The following LSAMP variants were observed in gnomAD, a reference collection of about 807,000 sequenced individuals.
LSAMP encodes the protein limbic system-associated membrane protein.
A neutral mutation model predicts 38.6 loss-of-function variants in LSAMP; 7 were observed. The ratio of observed to expected loss-of-function variants is 0.18; its 90% CI spans 0.10 to 0.34. The LOEUF (loss-of-function observed/expected upper bound fraction) is 0.34. Ranked by LOEUF, LSAMP falls within the 10% of genes least tolerant of loss-of-function variation. The pLI is 1.00. For synonymous variants in LSAMP, 154 were observed against 166.8 expected (o/e 0.92, Z 0.59); for missense variants, 313 against 420.0 (o/e 0.75, Z 2.23).
chr3:116,338,090 GTT>G (rs1404731579), intron 1 of LSAMP, among the ~76,000 whole-genome samples: 2 of 151,938 alleles, frequency 1.3e-5, no homozygotes, highest in Admixed American at 6.6e-5. Flanking sequence ...ATTTTTGCTT[GTT>G]TTACCTACCT....
intron 1 of LSAMP, among the ~76,000 whole-genome samples, chr3:116,090,727 G>A (rs1451761643): frequency 1.1e-4 from 17 of 152,124 alleles, no homozygotes; most frequent in Admixed American, 2.6e-4. Context: ...GGTAGGATCC[G>A]TGATGCCCCA....
chr3:116,108,901 CT>C (rs564946554), intron 1 of LSAMP, among the ~76,000 whole-genome samples: 1 of 152,082 alleles, frequency 6.6e-6, no homozygotes, highest in African/African-American at 2.4e-5. Flanking sequence ...GGAATTGCAA[CT>C]TTTTTCTGTT....
chr3:116,317,864 G>A lies in LSAMP; in HGVS notation c.155+127013C>T, dbSNP rs149898383. ...TAAAATCAGTAATAAGGCCGGGCGC[G>A]GTGGCTCACGGCTGTAATCCCAACA... On this transcript the variant is annotated intron_variant, in intron 1 of 6. Coordinates refer to ENST00000490035, the MANE Select transcript of LSAMP (RefSeq NM_002338.5). Among the ~76,000 whole-genome samples the A allele has an allele frequency of 4.8e-3, 724 of 151,608 alleles. 4 individuals carry two copies. The highest frequency in any genetic ancestry group is 0.017 in the African/African-American group (683 of 41,352).
At chr3:115,838,616 G>A (rs1934875351) in intron 6 of LSAMP, among the ~76,000 whole-genome samples, 1 of 152,204 alleles carries the variant, frequency 6.6e-6, no homozygotes, top group East Asian at 1.9e-4. Flanking sequence ...TGGTTATACC[G>A]ACTGAGGTAG....
In LSAMP at chr3:116,369,088, T is replaced by C. The variant is rs528514117; in HGVS notation, c.155+75789A>G. ...AATTATAGAAGAAATAATTGTATTA[T>C]GTTTATTGAAGGAAATTCACAGCTT... On this transcript the variant is annotated intron_variant, in intron 1 of 6. Coordinates refer to ENST00000490035, the MANE Select transcript of LSAMP (RefSeq NM_002338.5). Among the ~76,000 whole-genome samples, 17 of 152,142 alleles carry C rather than the reference T, an allele frequency of 1.1e-4. No homozygotes were observed. In the South Asian group the frequency reaches 3.5e-3, roughly 32 times the overall value.
rs1449960386 is a variant in LSAMP at position 116,258,549 on chromosome 3, A to G, written c.156-171993T>C. 2.6e-5 allele frequency among the ~76,000 whole-genome samples: 4 copies of G among 152,110 alleles called. No individual in the cohort carries two copies. The South Asian group carries it at 8.3e-4, about 31-fold the overall frequency. Reference sequence around the variant, plus strand: ...TAACAGAATTCTAAAAGAAAATAATATTTTAAAAAGATGATCCTTTATAAT... The same window carrying G: ...TAACAGAATTCTAAAAGAAAATAATGTTTTAAAAAGATGATCCTTTATAAT... On this transcript the variant is annotated intron_variant, in intron 1 of 6. Transcript: ENST00000490035.
chr3:115,948,686 CACAA>C (rs1303227368), intron 3 of LSAMP, among the ~76,000 whole-genome samples: 17 of 152,164 alleles, frequency 1.1e-4, no homozygotes, highest in African/African-American at 1.9e-4. Context: ...GTCTGAAAAA[CACAA>C]ACAGACAATG....
chr3:115,990,227 C>T (rs994805266), intron 3 of LSAMP, among the ~76,000 whole-genome samples: 2 of 151,952 alleles, frequency 1.3e-5, no homozygotes, highest in African/African-American at 2.4e-5. Context: ...GTCATAATTA[C>T]GCATCTTTAG....
At chr3:116,263,045 T>C (rs1440612335) in intron 1 of LSAMP, among the ~76,000 whole-genome samples, 1 of 152,194 alleles carries the variant, frequency 6.6e-6, no homozygotes, top group East Asian at 1.9e-4. Context: ...CTACTTTCCC[T>C]GGGGAAGCCT....
chr3:115,936,068 C>T (rs776185078), intron 3 of LSAMP, among the ~76,000 whole-genome samples: 1 of 152,214 alleles, frequency 6.6e-6, no homozygotes, highest in Non-Finnish European at 1.5e-5. Context: ...TCATTAACCT[C>T]TATAAGTGAC....
At chr3:116,289,490 G>A (rs1301351188) in intron 1 of LSAMP, among the ~76,000 whole-genome samples, 1 of 151,992 alleles carries the variant, frequency 6.6e-6, no homozygotes, top group Non-Finnish European at 1.5e-5. Context: ...CTTAGAAAAT[G>A]TTTGATTAGG....
chr3:115,862,017 G>C (rs779305705), intron 3 of LSAMP, among the ~76,000 whole-genome samples: 3 of 152,160 alleles, frequency 2.0e-5, no homozygotes, highest in Non-Finnish European at 4.4e-5. Flanking sequence ...ACTTAAAAGA[G>C]TCCTTTGGGA....
intron 1 of LSAMP, among the ~76,000 whole-genome samples, chr3:116,157,071 T>A (rs115347297): frequency 0.012 from 1,799 of 152,194 alleles, 32 homozygotes; most frequent in African/African-American, 0.041. Flanking sequence ...GGTTTTCAAA[T>A]ACTTTGGATT....
At chr3:116,370,086 C>A (rs367869490) in intron 1 of LSAMP, 1 of 152,360 alleles carries the variant, frequency 6.6e-6, no homozygotes, top group South Asian at 2.1e-4. Context: ...TTAAAACGAA[C>A]AAAACATACT....
chr3:115,900,965 C>T lies in LSAMP; in HGVS notation c.515-48348G>A, dbSNP rs1936858534. 2.0e-5 allele frequency among the ~76,000 whole-genome samples: 3 copies of T among 152,112 alleles called. No homozygotes were observed. The South Asian group carries it at 6.2e-4, about 32-fold the overall frequency. On this transcript the variant is annotated intron_variant, in intron 3 of 6. Coordinates refer to ENST00000490035, the MANE Select transcript of LSAMP (RefSeq NM_002338.5). ...TTCTGAGATTCTTACTTTCTTCCCT[C>T]TCAATTTTGGCAAAAACAAGTTTCA...
intron 1 of LSAMP, among the ~76,000 whole-genome samples, chr3:116,308,600 A>G (rs1018516155): frequency 3.3e-3 from 14 of 4,306 alleles, no homozygotes; most frequent in Admixed American, 9.3e-3. Flanking sequence ...ATGACTCCAA[A>G]TTCTCAAGAT....
chr3:116,351,267 C>A (rs1370913172), intron 1 of LSAMP, among the ~76,000 whole-genome samples: 7 of 152,002 alleles, frequency 4.6e-5, no homozygotes, highest in Admixed American at 3.9e-4. Context: ...GTTTAAATTT[C>A]TCTTTGTTTA....
chr3:116,123,346 A>G (rs1406916777), intron 1 of LSAMP, among the ~76,000 whole-genome samples: 1 of 152,230 alleles, frequency 6.6e-6, no homozygotes, highest in Admixed American at 6.5e-5. Flanking sequence ...GTTTAGAGAT[A>G]CAGTTTATCC....
chr3:116,285,395 A>G (rs979067654), intron 1 of LSAMP, among the ~76,000 whole-genome samples: 1 of 152,086 alleles, frequency 6.6e-6, no homozygotes, highest in Non-Finnish European at 1.5e-5. Flanking sequence ...GCCAATCCTC[A>G]GGCAGCCCAA....
Sources: allele counts gnomAD v4.1 joint callset (sites outside exome capture counted in the v4.1 genomes callset), GRCh38; gene constraint gnomAD v4.1.1; transcripts MANE v1.5; gene names NCBI Gene and HGNC (gene_info 2026-07-23, HGNC 2026-07-21).